TRIM16: variants seen among roughly 807,000 people sequenced by gnomAD.
TRIM16 encodes tripartite motif-containing protein 16.
A neutral mutation model predicts 50.4 loss-of-function variants in TRIM16; 33 were observed. The observed-to-expected ratio is 0.65, with a 90% CI of 0.50 to 0.88. The LOEUF (loss-of-function observed/expected upper bound fraction) is 0.88, where lower values mean the gene tolerates loss of function less well. TRIM16 is among the 40% of genes least tolerant of loss of function. The pLI is 0.00. For missense variants in TRIM16, 581 were observed against 686.8 expected (o/e 0.85, Z 1.72); for synonymous variants, 229 against 270.7 (o/e 0.85, Z 1.51).
intron 6 of TRIM16, among the ~76,000 whole-genome samples, chr17:15,673,965 G>A (rs889177426): frequency 6.6e-6 from 1 of 152,074 alleles, no homozygotes; most frequent in Non-Finnish European, 1.5e-5. Context: ...CAAGGTAAAC[G>A]GTTCTTACTT....
intron 4 of TRIM16, among the ~76,000 whole-genome samples, chr17:15,679,806 G>A (rs163378): frequency 0.28 from 42,540 of 151,792 alleles, 6,743 homozygotes; most frequent in African/African-American, 0.42. Flanking sequence ...GCGCGGTGGC[G>A]GGTGCCTGTA....
chr17:15,655,435 T>G (rs1447116037), intron 6 of TRIM16, among the ~76,000 whole-genome samples: 3 of 152,174 alleles, frequency 2.0e-5, no homozygotes, highest in Non-Finnish European at 4.4e-5. Context: ...TGGCTAACCC[T>G]TTTAGAGCAG....
intron 7 of TRIM16, among the ~76,000 whole-genome samples, chr17:15,649,409 C>A (rs1174929866): frequency 6.6e-6 from 1 of 152,064 alleles, no homozygotes; most frequent in Admixed American, 6.6e-5. Flanking sequence ...ACTGCAGCCT[C>A]CCTAGCAGCT....
intron 6 of TRIM16, among the ~76,000 whole-genome samples, chr17:15,663,332 T>G (rs943901327): frequency 6.6e-6 from 1 of 152,168 alleles, no homozygotes; most frequent in South Asian, 2.1e-4. Flanking sequence ...CACTAGATAC[T>G]TATTTGTGGA....
Position 15,677,861 on chromosome 17 carries a change from T to C in TRIM16, c.-589-140A>G, listed in dbSNP as rs528929633. 19 of 678,134 alleles carry C rather than the reference T, an allele frequency of 2.8e-5. No homozygotes were observed. In the South Asian group the frequency reaches 9.9e-4, roughly 35 times the overall value. The allele number at this position is 678,134 out of a possible 1,614,324, so 42.0% of individuals were successfully genotyped here. A position where few individuals can be genotyped will look rare whatever the true frequency, so the allele number is the denominator to read the frequency against. On this transcript the variant is annotated intron_variant, in intron 4 of 11. Coordinates refer to ENST00000649191, the MANE Select transcript of TRIM16 (RefSeq NM_001348119.1). The stretch of plus-strand genomic sequence containing the variant: ...GAATCTTAAAATCTTAAAATGTGTA[T>C]ACCCCTCTGACATAATTTGATAGTT...
At chr17:15,676,638 T>C (rs1281205125) in intron 6 of TRIM16, among the ~76,000 whole-genome samples, 1 of 151,522 alleles carries the variant, frequency 6.6e-6, no homozygotes, top group Admixed American at 6.6e-5. Context: ...GGTTTCACCA[T>C]GTTAGCCAGG....
At chr17:15,682,707 T>C (rs1311687304) in intron 3 of TRIM16, 147 bp downstream of exon 3, 3 of 714,322 alleles carry the variant, frequency 4.2e-6, no homozygotes, top group Non-Finnish European at 5.7e-6. Flanking sequence ...TTTCTTCTCT[T>C]CCAAGGAGTC....
intron 8 of TRIM16, among the ~76,000 whole-genome samples, chr17:15,637,358 C>T (rs1986841999): frequency 8.6e-6 from 1 of 116,914 alleles, no homozygotes. Flanking sequence ...GGGGGTCAGC[C>T]CCCCTACCCG....
chr17:15,655,570 G>GAT (rs200236180), intron 6 of TRIM16, among the ~76,000 whole-genome samples: 39 of 150,492 alleles, frequency 2.6e-4, no homozygotes, highest in African/African-American at 5.2e-4. Context: ...CCAATCATTT[G>GAT]ATCTCTCTCT....
intron 6 of TRIM16, among the ~76,000 whole-genome samples, chr17:15,663,477 G>A (rs778253559): frequency 1.4e-4 from 21 of 152,170 alleles, no homozygotes; most frequent in Non-Finnish European, 2.5e-4. Flanking sequence ...TCAGGCAGCA[G>A]CAGCCTTCTG....
At chr17:15,682,623 G>GA (rs1350853242) in intron 3 of TRIM16, among the ~76,000 whole-genome samples, 2 of 152,230 alleles carry the variant, frequency 1.3e-5, no homozygotes, top group African/African-American at 4.8e-5. Flanking sequence ...TGAGCTCATA[G>GA]AGGTTCAAGG....
chr17:15,642,760 A>G lies in TRIM16; in HGVS notation c.576T>C (p.Asn192=). Residue 192 remains asparagine (N), a synonymous_variant, in exon 8 of 12, where the codon AAT becomes AAC. Transcript: ENST00000649191. ...DLERKLKLNE[N]AISRLQANQK... is the part of the protein sequence containing the mutation. ...GGTTAGCCTGGAGCCTGGAGATGGC[A>G]TTTTCATTCAACTTGAGTTTCCGCT... is the stretch of plus-strand genomic sequence containing the variant. 1.2e-6 allele frequency: 1 copy of G among 819,048 alleles called. No individual in the cohort carries two copies. Among genetic ancestry groups the G allele is most frequent in the Non-Finnish European group, 1.9e-6 (1 of 539,256 alleles). 50.7% of individuals were successfully genotyped at this position (819,048 alleles called of 1,614,324 possible).
At chr17:15,671,946 A>G (rs1187090193) in intron 6 of TRIM16, among the ~76,000 whole-genome samples, 1 of 152,088 alleles carries the variant, frequency 6.6e-6, no homozygotes, top group African/African-American at 2.4e-5. Flanking sequence ...TAACGTGACA[A>G]CTGCCTCTTA....
intron 8 of TRIM16, 63 bp downstream of exon 8, chr17:15,642,658 G>A: frequency 1.6e-6 from 1 of 630,204 alleles, no homozygotes; most frequent in Non-Finnish European, 2.8e-6. Flanking sequence ...CAGGAATGGA[G>A]GCTAGGCATG....
chr17:15,662,235 C>A (rs1300315141), intron 6 of TRIM16, among the ~76,000 whole-genome samples: 1 of 152,138 alleles, frequency 6.6e-6, no homozygotes, highest in East Asian at 1.9e-4. Context: ...GCCTCTTTCC[C>A]CATGAGGAGT....
At chr17:15,646,575 T>A (rs1459851115) in intron 7 of TRIM16, among the ~76,000 whole-genome samples, 11 of 140,946 alleles carry the variant, frequency 7.8e-5, no homozygotes, top group Non-Finnish European at 1.7e-4. Flanking sequence ...GCTTCTCATC[T>A]GGTGCAAGAC....
Position 15,628,499 on chromosome 17 carries a change from C to G in TRIM16, c.*116G>C, listed in dbSNP as rs2150892948. 3 of 916,310 alleles carry G rather than the reference C, an allele frequency of 3.3e-6. No homozygotes were observed. The South Asian group carries it at 5.3e-5, about 16-fold the overall frequency. The allele number at this position is 916,310 out of a possible 1,614,324, so 56.8% of individuals were successfully genotyped here. On this transcript the variant is annotated 3_prime_UTR_variant, in exon 12 of 12. Transcript: ENST00000649191. ...GCTGGAGAATGTTTTCATTCAGAGA[C>G]CCCATAGGATTTCAAAAGCCAGCTA...
At chr17:15,636,326 T>C in intron 8 of TRIM16, 57 bp from the exon 9 acceptor site, 1 of 1,567,440 alleles carries the variant, frequency 6.4e-7, no homozygotes, top group Non-Finnish European at 8.7e-7. Context: ...GCATCCAACT[T>C]GATAGAAACT....
chr17:15,637,874 T>C (rs1240356276), intron 8 of TRIM16, among the ~76,000 whole-genome samples: 26 of 136,612 alleles, frequency 1.9e-4, no homozygotes, highest in Non-Finnish European at 2.9e-4. Context: ...GAAGTAGACA[T>C]GGGAGACTTT....
Sources: gnomAD v4.1 joint callset for allele counts (sites outside exome capture counted in the v4.1 genomes callset) on GRCh38, gnomAD v4.1.1 for gene constraint, MANE v1.5 for transcripts, NCBI Gene and HGNC (gene_info 2026-07-23, HGNC 2026-07-21) for gene names.